Variants in ABHD17B observed in about 807,000 individuals in gnomAD.
ABHD17B encodes abhydrolase domain containing 17B, depalmitoylase, also known as alpha/beta hydrolase domain-containing protein 17B.
Under a neutral mutation model 26.2 loss-of-function variants are expected in ABHD17B, and 9 were observed. The ratio of observed to expected loss-of-function variants is 0.34; its 90% CI spans 0.21 to 0.60. The LOEUF is 0.60. Among genes scored for constraint, ABHD17B ranks in the 20% least tolerant of loss-of-function variants. ABHD17B has a pLI of 0.80. For missense variants in ABHD17B, 224 were observed against 352.1 expected, an observed-to-expected ratio of 0.64 and a Z score of 2.91; for synonymous variants, 127 against 122.3, an observed-to-expected ratio of 1.04 and a Z score of -0.25.
intron 1 of ABHD17B, among the ~76,000 whole-genome samples, chr9:71,884,617 G>C (rs916537614): frequency 1.1e-4 from 17 of 151,852 alleles, no homozygotes; most frequent in African/African-American, 3.9e-4. Context: ...AGGGGTAATG[G>C]GGATGGAGGT....
At chr9:71,876,110 C>A (rs1454021609) in intron 1 of ABHD17B, among the ~76,000 whole-genome samples, 1 of 152,118 alleles carries the variant, frequency 6.6e-6, no homozygotes, top group African/African-American at 2.4e-5. Context: ...TATGTAATTA[C>A]TGCCCAAACT....
chr9:71,873,118 T>C (rs1826160253), intron 2 of ABHD17B, among the ~76,000 whole-genome samples: 1 of 152,058 alleles, frequency 6.6e-6, no homozygotes. Flanking sequence ...GTTTTCTTTA[T>C]ATCCTATAGC....
intron 1 of ABHD17B, among the ~76,000 whole-genome samples, chr9:71,881,113 T>A (rs558835488): frequency 9.8e-4 from 146 of 149,246 alleles, no homozygotes; most frequent in African/African-American, 3.4e-3. Context: ...AAAGCAACAG[T>A]AATCAAGACA....
chr9:71,904,906 T>C (rs151040710), intron 1 of ABHD17B, among the ~76,000 whole-genome samples: 18 of 152,270 alleles, frequency 1.2e-4, no homozygotes, highest in African/African-American at 4.3e-4. Context: ...TAAGTAAATT[T>C]AGATCCATGA....
chr9:71,911,044 C>A lies in ABHD17B; in HGVS notation c.-414G>T. On this transcript the variant is annotated 5_prime_UTR_variant, in exon 1 of 4. In the 5' UTR this introduces an upstream ATG that the reference lacks. Coordinates refer to ENST00000333421, the MANE Select transcript of ABHD17B (RefSeq NM_001025780.3). Reference sequence around the variant, plus strand: ...CTGGCACTGCAGACGCCACCCAGACCTAGCCAGGTCTTCCTTCTCTTTAAT... The same window carrying A: ...CTGGCACTGCAGACGCCACCCAGACATAGCCAGGTCTTCCTTCTCTTTAAT... 6.5e-6 allele frequency: 1 copy of A among 153,618 alleles called. No individual in the cohort carries two copies. The highest frequency in any genetic ancestry group is 1.5e-5 in the Non-Finnish European group (1 of 68,488). 9.5% of individuals were successfully genotyped at this position (153,618 alleles called of 1,614,324 possible).
intron 1 of ABHD17B, among the ~76,000 whole-genome samples, chr9:71,882,398 C>T (rs1826470619): frequency 6.6e-6 from 1 of 152,240 alleles, no homozygotes; most frequent in Admixed American, 6.5e-5. Flanking sequence ...GAGGCTCACG[C>T]CTGTAATCCC....
intron 2 of ABHD17B, among the ~76,000 whole-genome samples, chr9:71,872,409 A>T (rs1248086674): frequency 2.0e-5 from 3 of 152,180 alleles, no homozygotes; most frequent in African/African-American, 7.2e-5. Context: ...GGTAAATGCC[A>T]AGATTAAAAG....
chr9:71,887,129 G>GA (rs934286010), intron 1 of ABHD17B, among the ~76,000 whole-genome samples: 18 of 150,222 alleles, frequency 1.2e-4, no homozygotes, highest in South Asian at 2.1e-4. Flanking sequence ...TTCTCAAATG[G>GA]AAAAAAAAAT....
chr9:71,898,847 G>A lies in ABHD17B; in HGVS notation c.-4+11787C>T, dbSNP rs183970504. Among the ~76,000 whole-genome samples the A allele has an allele frequency of 3.3e-5, 5 of 152,238 alleles. No individual in the cohort carries two copies. In the East Asian group the frequency reaches 9.7e-4, roughly 29 times the overall value. On this transcript the variant is annotated intron_variant, in intron 1 of 3. Coordinates refer to ENST00000333421, the MANE Select transcript of ABHD17B (RefSeq NM_001025780.3). ...ACTCTGTCTCTACCAAAAAAATTAG[G>A]CGTGGTGGTGCACACCTGTAGTCCC...
Position 71,870,942 on chromosome 9 carries a change from G to C in ABHD17B, c.468-680C>G, listed in dbSNP as rs374281448. Among the ~76,000 whole-genome samples the C allele has an allele frequency of 1.5e-4, 23 of 152,156 alleles. 1 individual carries two copies. The highest frequency in any genetic ancestry group is 7.2e-4 in the Admixed American group (11 of 15,276). On this transcript the variant is annotated intron_variant, in intron 2 of 3. Transcript: ENST00000333421. ...GGTACTATTTTAATCCCTTTAAAAT[G>C]GCCACAGGTTTAAATAGATGAAAAC...
intron 1 of ABHD17B, among the ~76,000 whole-genome samples, chr9:71,879,944 T>C (rs17057256): frequency 0.016 from 2,496 of 152,234 alleles, 25 homozygotes; most frequent in Non-Finnish European, 0.025. Flanking sequence ...AACTACTGTT[T>C]TGTGGAAAGG....
At chr9:71,899,465 C>T (rs1314199047) in intron 1 of ABHD17B, among the ~76,000 whole-genome samples, 1 of 152,156 alleles carries the variant, frequency 6.6e-6, no homozygotes, top group Non-Finnish European at 1.5e-5. Flanking sequence ...GGGTGGTTTG[C>T]TCACCCTTAC....
intron 1 of ABHD17B, among the ~76,000 whole-genome samples, chr9:71,895,399 C>G (rs1215342513): frequency 6.6e-6 from 1 of 152,186 alleles, no homozygotes; most frequent in Non-Finnish European, 1.5e-5. Flanking sequence ...TAGACCAGTA[C>G]TTACTTGCCT....
chr9:71,900,925 G>A (rs1054068222), intron 1 of ABHD17B, among the ~76,000 whole-genome samples: 2 of 152,026 alleles, frequency 1.3e-5, no homozygotes, highest in Non-Finnish European at 2.9e-5. Context: ...CGAGGTGGGT[G>A]GATCACAAGG....
At chr9:71,904,279 G>C (rs367619074) in intron 1 of ABHD17B, among the ~76,000 whole-genome samples, 1 of 152,116 alleles carries the variant, frequency 6.6e-6, no homozygotes, top group South Asian at 2.1e-4. Flanking sequence ...GCTCATAGAC[G>C]TCATCCCCAC....
At chr9:71,876,687 A>T (rs138169923) in intron 1 of ABHD17B, among the ~76,000 whole-genome samples, 2,232 of 152,264 alleles carry the variant, frequency 0.015, 38 homozygotes, top group Non-Finnish European at 0.023. Flanking sequence ...AAACAACTCA[A>T]CAGAGTGACT....
intron 1 of ABHD17B, among the ~76,000 whole-genome samples, chr9:71,894,635 A>G (rs1826900944): frequency 6.6e-6 from 1 of 152,190 alleles, no homozygotes; most frequent in Non-Finnish European, 1.5e-5. Flanking sequence ...AAGGGCCCAG[A>G]AAGTCTTATT....
At chr9:71,905,940 G>A (rs890382971) in intron 1 of ABHD17B, among the ~76,000 whole-genome samples, 2 of 152,052 alleles carry the variant, frequency 1.3e-5, no homozygotes, top group South Asian at 2.1e-4. Flanking sequence ...CCAGCCACTC[G>A]GGAAGCCCAG....
At chr9:71,905,335 GC>G (rs1440265210) in intron 1 of ABHD17B, among the ~76,000 whole-genome samples, 1 of 152,022 alleles carries the variant, frequency 6.6e-6, no homozygotes, top group Non-Finnish European at 1.5e-5. Context: ...TGTTGCCCAG[GC>G]TGGAAGATAT....
Sources: allele counts gnomAD v4.1 joint callset (sites outside exome capture counted in the v4.1 genomes callset), GRCh38; gene constraint gnomAD v4.1.1; transcripts MANE v1.5; gene names NCBI Gene and HGNC (gene_info 2026-07-23, HGNC 2026-07-21).